CNTLN: variants seen among roughly 807,000 people sequenced by gnomAD.
The protein encoded by CNTLN is centlein.
In CNTLN, 212 loss-of-function variants were observed where a neutral mutation model predicts 180.0. The ratio of observed to expected loss-of-function variants is 1.18; its 90% CI spans 1.05 to 1.32. The LOEUF is 1.32. Ranked by LOEUF, CNTLN falls within the 40% of genes most tolerant of loss-of-function variation. The pLI is 0.00. For missense variants in CNTLN, 2,095 were observed against 1,610.9 expected (o/e 1.30, Z -5.14); for synonymous variants, 722 against 563.1 (o/e 1.28, Z -3.99).
At chr9:17,482,102 A>C (rs1832678962) in intron 23 of CNTLN, among the ~76,000 whole-genome samples, 1 of 152,250 alleles carries the variant, frequency 6.6e-6, no homozygotes, top group South Asian at 2.1e-4. Context: ...AACCCTAAGT[A>C]AATGAATATA....
chr9:17,154,424 G>A (rs2131539379), intron 2 of CNTLN, among the ~76,000 whole-genome samples: 1 of 152,336 alleles, frequency 6.6e-6, no homozygotes, highest in Non-Finnish European at 1.5e-5. Flanking sequence ...GGAGTTTGCT[G>A]GAGGTCCACT....
intron 5 of CNTLN, among the ~76,000 whole-genome samples, chr9:17,255,390 A>C (rs1209734352): frequency 6.6e-6 from 1 of 151,684 alleles, no homozygotes; most frequent in African/African-American, 2.4e-5. Flanking sequence ...TGTTCTTTTA[A>C]TCATGAAAGG....
At chr9:17,359,740 A>ACAAAC (rs1564027352) in intron 12 of CNTLN, among the ~76,000 whole-genome samples, 1 of 123,230 alleles carries the variant, frequency 8.1e-6, no homozygotes, top group African/African-American at 2.9e-5. Flanking sequence ...AAAAAAAAAA[A>ACAAAC]AAAAAAAAAA....
intron 13 of CNTLN, among the ~76,000 whole-genome samples, chr9:17,380,699 C>G (rs555362369): frequency 1.3e-5 from 2 of 152,294 alleles, no homozygotes; most frequent in Admixed American, 1.3e-4. Context: ...TGTTCACAAA[C>G]CATTTCTTAC....
At chr9:17,457,359 A>G (rs1381351659) in intron 18 of CNTLN, among the ~76,000 whole-genome samples, 165 bp from the exon 19 acceptor site, 1 of 152,096 alleles carries the variant, frequency 6.6e-6, no homozygotes, top group Non-Finnish European at 1.5e-5. Context: ...TATAAGCAAA[A>G]TCTAGTAGAG....
chr9:17,468,368 C>T (rs1458374905), intron 23 of CNTLN, among the ~76,000 whole-genome samples: 1 of 151,494 alleles, frequency 6.6e-6, no homozygotes, highest in Non-Finnish European at 1.5e-5. Context: ...AACCAACCTG[C>T]ACATGTATCC....
At chr9:17,493,043 A>C (rs1833253971) in intron 25 of CNTLN, among the ~76,000 whole-genome samples, 1 of 152,102 alleles carries the variant, frequency 6.6e-6, no homozygotes, top group South Asian at 2.1e-4. Context: ...AGAGACAGAA[A>C]GTAGAATGGT....
At chr9:17,472,458 A>G (rs557918878) in intron 23 of CNTLN, among the ~76,000 whole-genome samples, 74 of 152,280 alleles carry the variant, frequency 4.9e-4, no homozygotes, top group African/African-American at 1.8e-3. Flanking sequence ...CTTCATATCC[A>G]TGTAAGCCAT....
intron 8 of CNTLN, among the ~76,000 whole-genome samples, chr9:17,312,368 A>ATAT (rs1819232021): frequency 1.1e-4 from 1 of 9,350 alleles, no homozygotes; most frequent in Admixed American, 1.4e-3. Context: ...TATATATTAT[A>ATAT]TATATATATA....
At chr9:17,212,089 A>G (rs563055052) in intron 2 of CNTLN, among the ~76,000 whole-genome samples, 23 of 152,296 alleles carry the variant, frequency 1.5e-4, no homozygotes, top group African/African-American at 5.5e-4. Context: ...TTCCAAGACT[A>G]TGTTGAATAG....
the CNTLN span, among the ~76,000 whole-genome samples, chr9:17,519,551 T>C: frequency 6.6e-6 from 1 of 152,188 alleles, no homozygotes; most frequent in Non-Finnish European, 1.5e-5. Context: ...CAAGTATAGA[T>C]TGAACTGTTG....
chr9:17,513,066 T>G, the CNTLN span, among the ~76,000 whole-genome samples: 92 of 152,176 alleles, frequency 6.0e-4, no homozygotes, highest in East Asian at 1.9e-3. Flanking sequence ...TGATCCGCCC[T>G]CCTTGGCCTC....
At chr9:17,413,630 G>T (rs982495717) in intron 16 of CNTLN, among the ~76,000 whole-genome samples, 1 of 152,072 alleles carries the variant, frequency 6.6e-6, no homozygotes, top group Non-Finnish European at 1.5e-5. Context: ...TACCAAAAAA[G>T]GATATACGGA....
intron 5 of CNTLN, among the ~76,000 whole-genome samples, chr9:17,257,473 G>A (rs1177667793): frequency 0.012 from 1,798 of 150,926 alleles, 41 homozygotes; most frequent in African/African-American, 0.042. Flanking sequence ...ATGATTTATA[G>A]TCCTTTGGGT....
chr9:17,441,028 C>G (rs1467467164), intron 18 of CNTLN, among the ~76,000 whole-genome samples: 1 of 149,676 alleles, frequency 6.7e-6, no homozygotes, highest in Non-Finnish European at 1.5e-5. Context: ...TGTAAATATA[C>G]AAAACATCCT....
chr9:17,418,718 C>T (rs1025017975), intron 18 of CNTLN, among the ~76,000 whole-genome samples: 3 of 151,840 alleles, frequency 2.0e-5, no homozygotes, highest in Non-Finnish European at 4.4e-5. Context: ...TTGAATCAGG[C>T]ATCAGTAGGT....
At chr9:17,496,882 A>C (rs1356317291) in intron 25 of CNTLN, among the ~76,000 whole-genome samples, 1 of 152,200 alleles carries the variant, frequency 6.6e-6, no homozygotes, top group East Asian at 1.9e-4. Flanking sequence ...TTGAGAACGA[A>C]GTCAGTCATA....
intron 5 of CNTLN, among the ~76,000 whole-genome samples, chr9:17,260,947 A>C (rs911145549): frequency 3.3e-5 from 5 of 151,266 alleles, no homozygotes; most frequent in African/African-American, 1.2e-4. Context: ...TCCCCATTTC[A>C]TGTTTTTGTC....
chr9:17,158,478 A>G (rs1200800733), intron 2 of CNTLN, among the ~76,000 whole-genome samples: 4 of 152,078 alleles, frequency 2.6e-5, no homozygotes, highest in African/African-American at 7.2e-5. Flanking sequence ...AATATTTGGT[A>G]GAATTCAGTA....
Sources: gnomAD v4.1 joint callset for allele counts (sites outside exome capture counted in the v4.1 genomes callset) on GRCh38, gnomAD v4.1.1 for gene constraint, MANE v1.5 for transcripts, NCBI Gene and HGNC (gene_info 2026-07-23, HGNC 2026-07-21) for gene names.